Variants in TRIM3 observed in about 807,000 individuals in gnomAD.
TRIM3 encodes the protein tripartite motif containing 3.
In TRIM3, 13 loss-of-function variants were observed where a neutral mutation model predicts 66.6. The observed-to-expected ratio is 0.20, with a 90% CI of 0.13 to 0.31. The LOEUF (loss-of-function observed/expected upper bound fraction) is 0.31, where lower values mean the gene tolerates loss of function less well. Ranked by LOEUF, TRIM3 falls within the 10% of genes least tolerant of loss-of-function variation. The pLI, the probability that TRIM3 is intolerant of heterozygous loss-of-function variation, is 1.00. For synonymous variants in TRIM3, 406 were observed against 411.7 expected, an observed-to-expected ratio of 0.99 and a Z score of 0.17; for missense variants, 711 against 1,020.4, an observed-to-expected ratio of 0.70 and a Z score of 4.13.
chr11:6,460,437 G>T (rs1442847320), intron 2 of TRIM3, among the ~76,000 whole-genome samples: 1 of 152,164 alleles, frequency 6.6e-6, no homozygotes, highest in Non-Finnish European at 1.5e-5. Flanking sequence ...AGGAGAGAAG[G>T]AGAGGGGGAA....
intron 7 of TRIM3, among the ~76,000 whole-genome samples, chr11:6,455,585 AAAGATACCCCCTTTGGCC>A: frequency 6.6e-6 from 1 of 152,312 alleles, no homozygotes; most frequent in South Asian, 2.1e-4. Flanking sequence ...CTAGCCACTG[AAAGATACCCCCTTTGGCC>A]AAGATACCCC....
chr11:6,467,595 T>C (rs1850518663), intron 1 of TRIM3, among the ~76,000 whole-genome samples: 1 of 151,594 alleles, frequency 6.6e-6, no homozygotes, highest in African/African-American at 2.4e-5. Flanking sequence ...ATGAGACCAA[T>C]ATCTACAAAA....
At position 6,457,151 on chromosome 11, in the gene TRIM3, T is replaced by G. The variant is rs2303491; in HGVS notation, c.697-122A>C. The G allele has an allele frequency of 0.042, 62,715 of 1,510,342 alleles. 3,545 individuals are homozygous for G. The highest frequency in any genetic ancestry group is 0.27 in the African/African-American group (19,352 of 72,968). 93.6% of individuals were successfully genotyped at this position (1,510,342 alleles called of 1,614,324 possible). A position where few individuals can be genotyped will look rare whatever the true frequency, so the allele number is the denominator to read the frequency against. On this transcript the variant is annotated intron_variant, in intron 5 of 11. Coordinates refer to ENST00000345851, the MANE Select transcript of TRIM3 (RefSeq NM_033278.4). The surrounding 1 kb of genome is among the most constrained non-coding windows in gnomAD (Gnocchi z 4.5). Reference sequence around the variant, plus strand: ...GGTGCCTGTGGACAGAGGACACAGATGCCCACAGCACCTACCGAGGGCATG... The same window carrying G: ...GGTGCCTGTGGACAGAGGACACAGAGGCCCACAGCACCTACCGAGGGCATG...
intron 8 of TRIM3, 50 bp downstream of exon 8, chr11:6,451,221 G>A: frequency 1.2e-6 from 2 of 1,609,416 alleles, no homozygotes; most frequent in South Asian, 2.2e-5. Flanking sequence ...CACTAGACTG[G>A]TCAGTTCAGC....
At chr11:6,472,704 G>A (rs545250816) in intron 1 of TRIM3, among the ~76,000 whole-genome samples, 1 of 152,332 alleles carries the variant, frequency 6.6e-6, no homozygotes, top group Non-Finnish European at 1.5e-5. Context: ...ATCAGAGAGA[G>A]ATGCAAAAGT....
rs760955244 is a variant in TRIM3, at chr11:6,450,135, G to T, written c.1941+416C>A. The T allele has an allele frequency of 5.7e-5, 10 of 175,190 alleles. No homozygotes were observed. Among genetic ancestry groups the T allele is most frequent in the Admixed American group, 1.2e-4 (2 of 17,324 alleles). The allele number at this position is 175,190 out of a possible 1,614,324, so 10.9% of individuals were successfully genotyped here. ...ACCTTGCATTCTTGGCTCTTCCTGT[G>T]TCTTTTGTCTCAAACACTCTCGTCC... On this transcript the variant is annotated intron_variant, in intron 10 of 11. Coordinates refer to ENST00000345851, the MANE Select transcript of TRIM3 (RefSeq NM_033278.4). The surrounding 1 kb of genome is among the most constrained non-coding windows in gnomAD (Gnocchi z 4.8).
chr11:6,460,868 G>T (rs1323207808), intron 2 of TRIM3, among the ~76,000 whole-genome samples: 3 of 136,908 alleles, frequency 2.2e-5, no homozygotes, highest in Non-Finnish European at 4.8e-5. Flanking sequence ...TTATTTAATT[G>T]TGTTTTCTTT....
rs1850058343 is a variant in TRIM3 at position 6,457,706 on chromosome 11, C to A, written c.505G>T (p.Val169Leu). Residue 169 changes from valine (V) to leucine (L), a missense_variant, in exon 4 of 12, where the codon GTG (valine) becomes TTG (leucine). Physicochemically the swap from Val to Leu is conservative, Grantham distance 32. Around this residue, in one of 3 missense-constraint regions of TRIM3, gnomAD observed 149 missense variants for 240.3 expected, o/e 0.62. Transcript: ENST00000345851. The surrounding 1 kb of genome is among the most constrained non-coding windows in gnomAD (Gnocchi z 4.5). ...KAALQRQLEA[V>L]RGRLPQLSAA... ...CTGCCCAGTGCCTACCGGCCACGCA[C>A]AGCCTCGAGCTGGCGCTGCAGGGCC... 1 of 1,612,406 alleles carries A rather than the reference C, an allele frequency of 6.2e-7. No homozygotes were observed. Among genetic ancestry groups the A allele is most frequent in the Non-Finnish European group, 8.5e-7 (1 of 1,178,886 alleles).
chr11:6,474,014 C>G (rs1051349954), upstream of TRIM3: 2 of 151,156 alleles, frequency 1.3e-5, no homozygotes, highest in African/African-American at 4.8e-5. Context: ...GAAGACCCAC[C>G]CACGCCCCGC....
intron 1 of TRIM3, among the ~76,000 whole-genome samples, chr11:6,468,173 G>A (rs751551964): frequency 1.5e-4 from 23 of 152,174 alleles, no homozygotes; most frequent in Admixed American, 9.8e-4. Context: ...AGATGAACTG[G>A]GTGTGAGAGG....
intron 1 of TRIM3, among the ~76,000 whole-genome samples, chr11:6,472,891 C>T (rs1466280510): frequency 6.6e-6 from 1 of 152,164 alleles, no homozygotes; most frequent in Admixed American, 6.5e-5. Flanking sequence ...AGCAAATCAT[C>T]CCCTGCTTAG....
intron 1 of TRIM3, among the ~76,000 whole-genome samples, chr11:6,470,636 T>C (rs562614263): frequency 3.9e-5 from 6 of 152,246 alleles, no homozygotes; most frequent in South Asian, 2.1e-4. Context: ...AGAGGTCCAG[T>C]TGGCAGTTGG....
At chr11:6,451,096 T>G in intron 8 of TRIM3, 36 bp from the exon 9 acceptor site, 7 of 1,610,932 alleles carry the variant, frequency 4.3e-6, no homozygotes, top group Non-Finnish European at 5.9e-6. Flanking sequence ...GGCTTTATTC[T>G]GACAGTGGGG....
Position 6,451,346 on chromosome 11 carries a change from G to A in TRIM3, c.1626C>T (p.Asp542=), listed in dbSNP as rs767964059. The A allele has an allele frequency of 1.9e-6, 3 of 1,614,228 alleles. No homozygotes were observed. In the South Asian group the frequency reaches 3.3e-5, roughly 18 times the overall value. ...CTGCCACAATTATGTCTCCATTGGTGTCCACTGCCACACCTGTGGGGCGCT... is the reference window on the plus strand; with the variant it reads ...CTGCCACAATTATGTCTCCATTGGTATCCACTGCCACACCTGTGGGGCGCT... ...QLQRPTGVAV[D]TNGDIIVADY... Residue 542 remains aspartate, a synonymous_variant, in exon 8 of 12, where the codon GAC becomes GAT. Coordinates refer to ENST00000345851, the MANE Select transcript of TRIM3 (RefSeq NM_033278.4).
intron 8 of TRIM3, 24 bp from the exon 9 acceptor site, chr11:6,451,084 G>A (rs1326594675): frequency 2.5e-6 from 4 of 1,612,978 alleles, no homozygotes; most frequent in Non-Finnish European, 3.4e-6. Context: ...ATATCCATAA[G>A]AGGCTTTATT....
chr11:6,466,362 G>C (rs181426324), intron 1 of TRIM3, among the ~76,000 whole-genome samples: 2 of 152,296 alleles, frequency 1.3e-5, no homozygotes, highest in Non-Finnish European at 2.9e-5. Context: ...TACAGCAATA[G>C]CCTCTTAACT....
At position 6,457,198 on chromosome 11, in the gene TRIM3, C is replaced by T; in HGVS notation, c.696+98G>A. ...CATGTCAGGAGGCAGAATATCTAGG[C>T]TGGGGAATGGGGAGCTGGTGTGGAA... On this transcript the variant is annotated intron_variant, in intron 5 of 11. Coordinates refer to ENST00000345851, the MANE Select transcript of TRIM3 (RefSeq NM_033278.4). The surrounding 1 kb of genome is among the most constrained non-coding windows in gnomAD (Gnocchi z 4.5). 8 of 1,541,554 alleles carry T rather than the reference C, an allele frequency of 5.2e-6. No individual in the cohort carries two copies. The highest frequency in any genetic ancestry group is 2.3e-5 in the East Asian group (1 of 44,344).
rs900620332 is a variant in TRIM3, at chr11:6,457,198, C to G, written c.696+98G>C. The G allele has an allele frequency of 1.3e-6, 2 of 1,541,436 alleles. No homozygotes were observed. The highest frequency in any genetic ancestry group is 1.7e-5 in the Admixed American group (1 of 57,716). ...CATGTCAGGAGGCAGAATATCTAGGCTGGGGAATGGGGAGCTGGTGTGGAA... is the reference window on the plus strand; with the variant it reads ...CATGTCAGGAGGCAGAATATCTAGGGTGGGGAATGGGGAGCTGGTGTGGAA... On this transcript the variant is annotated intron_variant, in intron 5 of 11. Coordinates refer to ENST00000345851, the MANE Select transcript of TRIM3 (RefSeq NM_033278.4). This position sits in a 1 kb window ranked among gnomAD's most constrained non-coding sequence, Gnocchi z 4.5.
intron 7 of TRIM3, 128 bp downstream of exon 7, chr11:6,455,944 T>G: frequency 1.2e-6 from 1 of 866,194 alleles, no homozygotes; most frequent in Non-Finnish European, 1.8e-6. Context: ...GATTCACTGC[T>G]CTTAAGGAAC....
Sources: gnomAD v4.1 joint callset for allele counts (sites outside exome capture counted in the v4.1 genomes callset) on GRCh38, gnomAD v4.1.1 for gene constraint, gnomAD v4.1.1 regional missense constraint, Gnocchi (gnomAD v3.1) non-coding constraint, MANE v1.5 for transcripts, NCBI Gene and HGNC (gene_info 2026-07-23, HGNC 2026-07-21) for gene names.